PLD5: variants seen among roughly 807,000 people sequenced by gnomAD.
The protein encoded by PLD5 is inactive phospholipase D5.
In PLD5, 36 loss-of-function variants were observed where a neutral mutation model predicts 61.1. That is an observed-to-expected ratio of 0.59 (90% confidence interval 0.45 to 0.78). PLD5 has a LOEUF of 0.78. Ranked by LOEUF, PLD5 falls within the 30% of genes least tolerant of loss-of-function variation. PLD5 has a pLI of 0.00. For missense variants in PLD5, 515 were observed against 644.4 expected (o/e 0.80, Z 2.17); for synonymous variants, 243 against 242.8 (o/e 1.00, Z -0.01).
chr1:242,448,480 T>C (rs569102785), intron 1 of PLD5, among the ~76,000 whole-genome samples: 2 of 152,350 alleles, frequency 1.3e-5, no homozygotes, highest in South Asian at 2.1e-4. Context: ...CTCAATGATA[T>C]GTAATCCTAT....
chr1:242,212,859 T>TA (rs1223877399), intron 5 of PLD5, among the ~76,000 whole-genome samples: 1 of 152,228 alleles, frequency 6.6e-6, no homozygotes, highest in Non-Finnish European at 1.5e-5. Flanking sequence ...ATCTCTCTCC[T>TA]ACCCCTGACG....
At chr1:242,287,123 G>A (rs1162578118) in intron 3 of PLD5, among the ~76,000 whole-genome samples, 1 of 152,118 alleles carries the variant, frequency 6.6e-6, no homozygotes, top group Non-Finnish European at 1.5e-5. Context: ...CATGTAAAGA[G>A]CTCAAGATGA....
At chr1:242,331,063 T>G (rs983645345) in intron 2 of PLD5, among the ~76,000 whole-genome samples, 1 of 152,202 alleles carries the variant, frequency 6.6e-6, no homozygotes, top group African/African-American at 2.4e-5. Flanking sequence ...GGGGTACTAC[T>G]GGGTCAGATA....
chr1:242,098,122 G>C (rs1268495136), intron 9 of PLD5, among the ~76,000 whole-genome samples: 1 of 152,136 alleles, frequency 6.6e-6, no homozygotes, highest in Non-Finnish European at 1.5e-5. Flanking sequence ...GCTAGATTGG[G>C]GAAGTTCTCC....
intron 1 of PLD5, among the ~76,000 whole-genome samples, chr1:242,402,278 C>T (rs1310508046): frequency 6.6e-6 from 1 of 151,396 alleles, no homozygotes; most frequent in Admixed American, 6.6e-5. Flanking sequence ...AAAAATAGAA[C>T]AAGTAAGACA....
chr1:242,111,308 C>T (rs12141075), intron 7 of PLD5, among the ~76,000 whole-genome samples: 11,205 of 152,144 alleles, frequency 0.074, 511 homozygotes, highest in South Asian at 0.18. Flanking sequence ...CGGCCCACCT[C>T]GGCCTCCCAA....
At chr1:242,456,659 G>C (rs1666953746) in intron 1 of PLD5, among the ~76,000 whole-genome samples, 3 of 152,144 alleles carry the variant, frequency 2.0e-5, no homozygotes, top group Admixed American at 1.3e-4. Flanking sequence ...CTGCAAACTG[G>C]CCACCTGAGG....
intron 1 of PLD5, among the ~76,000 whole-genome samples, chr1:242,373,816 G>A (rs1454059536): frequency 6.6e-5 from 10 of 151,974 alleles, no homozygotes. Flanking sequence ...GGGGGGAGGT[G>A]AGAGGGATAG....
chr1:242,521,936 G>A (rs2103013240), intron 1 of PLD5, among the ~76,000 whole-genome samples: 1 of 151,830 alleles, frequency 6.6e-6, no homozygotes, highest in Non-Finnish European at 1.5e-5. Flanking sequence ...CATTCAACAT[G>A]ACGTATATTA....
rs569379566 is a variant in PLD5 at position 242,100,736 on chromosome 1, T to C, written c.1286A>G (p.Gln429Arg). The change falls in exon 9 of 10, where the codon CAA becomes CGA. Residue 429 changes from glutamine to arginine, a missense_variant. Physicochemically the swap from Gln to Arg is conservative, Grantham distance 43. Transcript: ENST00000536534. ...TAACCTAGGAAAGGTGTGATTCTTT[T>C]GTTCTTTTGTAGCACAAGCATTCTC... ...ERENACATKEQKNHTFPRLNR... is the reference protein window; with the variant it reads ...ERENACATKERKNHTFPRLNR... 4 of 1,614,146 alleles carry C rather than the reference T, an allele frequency of 2.5e-6. No individual in the cohort carries two copies. Among genetic ancestry groups the C allele is most frequent in the East Asian group, 2.2e-5 (1 of 44,868 alleles).
intron 5 of PLD5, chr1:242,147,399 T>A (rs2148807872): frequency 6.6e-6 from 1 of 152,330 alleles, no homozygotes; most frequent in East Asian, 1.9e-4. Flanking sequence ...TACCAGTTTG[T>A]TTATCCATTC....
chr1:242,348,518 C>G (rs1319922613), intron 1 of PLD5, among the ~76,000 whole-genome samples: 1 of 152,112 alleles, frequency 6.6e-6, no homozygotes, highest in East Asian at 1.9e-4. Context: ...CTTCTTCCTA[C>G]TCAAAAGCAG....
chr1:242,298,965 T>TAA (rs1275667267), intron 2 of PLD5, among the ~76,000 whole-genome samples: 1 of 151,738 alleles, frequency 6.6e-6, no homozygotes, highest in East Asian at 1.9e-4. Flanking sequence ...GGGACCTCAT[T>TAA]AATAGAAAGA....
intron 6 of PLD5, among the ~76,000 whole-genome samples, chr1:242,122,576 G>C (rs1662468385): frequency 6.6e-6 from 1 of 152,026 alleles, no homozygotes; most frequent in Admixed American, 6.6e-5. Flanking sequence ...TGGCCTCCTG[G>C]TCTTATAGGG....
chr1:242,264,640 A>C (rs907474261), intron 4 of PLD5, among the ~76,000 whole-genome samples: 1 of 152,166 alleles, frequency 6.6e-6, no homozygotes, highest in Non-Finnish European at 1.5e-5. Context: ...TCTTCTAGGG[A>C]CGTCCGGCAG....
intron 1 of PLD5, among the ~76,000 whole-genome samples, chr1:242,456,171 G>A (rs934110538): frequency 4.6e-5 from 7 of 152,138 alleles, no homozygotes; most frequent in Non-Finnish European, 7.4e-5. Flanking sequence ...TCCTTACTCC[G>A]CCTTGCAATC....
intron 1 of PLD5, among the ~76,000 whole-genome samples, chr1:242,487,778 A>G (rs1668011187): frequency 6.6e-6 from 1 of 151,902 alleles, no homozygotes; most frequent in African/African-American, 2.4e-5. Context: ...ATAAAAGCAC[A>G]TTAGAAGATT....
At chr1:242,418,367 G>A (rs1038821902) in intron 1 of PLD5, among the ~76,000 whole-genome samples, 2 of 152,134 alleles carry the variant, frequency 1.3e-5, no homozygotes, top group Admixed American at 6.5e-5. Flanking sequence ...AGCATCAAAC[G>A]AATAGACAAT....
chr1:242,388,963 A>G (rs932047440), intron 1 of PLD5, among the ~76,000 whole-genome samples: 1 of 152,138 alleles, frequency 6.6e-6, no homozygotes, highest in African/African-American at 2.4e-5. Context: ...CAAAAAATAA[A>G]ATAAAACAAA....
Sources: gnomAD v4.1 joint callset for allele counts (sites outside exome capture counted in the v4.1 genomes callset) on GRCh38, gnomAD v4.1.1 for gene constraint, MANE v1.5 for transcripts, NCBI Gene and HGNC (gene_info 2026-07-23, HGNC 2026-07-21) for gene names.